Variants in ANKRD44 observed in about 807,000 individuals in gnomAD.
ANKRD44 encodes the protein serine/threonine-protein phosphatase 6 regulatory ankyrin repeat subunit B.
A neutral mutation model predicts 116.0 loss-of-function variants in ANKRD44; 35 were observed. The observed-to-expected ratio is 0.30, with a 90% confidence interval of 0.23 to 0.40. ANKRD44 has a LOEUF of 0.40. ANKRD44 is among the 10% of genes least tolerant of loss of function. ANKRD44 has a pLI of 1.00. For missense variants in ANKRD44, 1,014 were observed against 1,242.6 expected, an observed-to-expected ratio of 0.82 and a Z score of 2.77; for synonymous variants, 435 against 461.8, an observed-to-expected ratio of 0.94 and a Z score of 0.74.
At chr2:197,105,582 G>A (rs140924061) in intron 9 of ANKRD44, among the ~76,000 whole-genome samples, 20 of 152,234 alleles carry the variant, frequency 1.3e-4, no homozygotes, top group East Asian at 7.7e-4. Context: ...TGGAGATCAC[G>A]GAATCTCTTT....
intron 2 of ANKRD44, among the ~76,000 whole-genome samples, chr2:197,153,225 C>CAAAAAAAAAAAAAAAAA (rs75600123): frequency 8.7e-5 from 6 of 69,336 alleles, no homozygotes; most frequent in East Asian, 1.4e-3. Context: ...AAGACCCTGC[C>CAAAAAAAAAAAAAAAAA]AAAAAAAAAA....
intron 23 of ANKRD44, among the ~76,000 whole-genome samples, chr2:196,999,935 C>T (rs1054671046): frequency 1.3e-5 from 2 of 152,108 alleles, no homozygotes; most frequent in Non-Finnish European, 2.9e-5. Context: ...CACTTTGAAA[C>T]AGCAAAATAT....
chr2:197,014,779 G>A (rs1452678206), intron 17 of ANKRD44, among the ~76,000 whole-genome samples: 1 of 148,768 alleles, frequency 6.7e-6, no homozygotes, highest in African/African-American at 2.5e-5. Context: ...GCAAGACTCT[G>A]TCTCCAAAAA....
At position 197,013,623 on chromosome 2, in the gene ANKRD44, C is replaced by G. The variant is rs1352459930; in HGVS notation, c.1812G>C (p.Leu604=). Residue 604 remains leucine (L), a synonymous_variant, in exon 18 of 28, where the codon CTG becomes CTC. Coordinates refer to ENST00000282272, the MANE Select transcript of ANKRD44 (RefSeq NM_001195144.2). ...DIRDEKGRTA[L]DLAAFKGHTE... ...TGTGTCCTTTAAAGGCAGCCAGATCCAGAGCAGTGCGGCCTTTCTCATCCC... is the reference window on the plus strand; with the variant it reads ...TGTGTCCTTTAAAGGCAGCCAGATCGAGAGCAGTGCGGCCTTTCTCATCCC... 2.5e-6 allele frequency: 4 copies of G among 1,614,156 alleles called. No individual in the cohort carries two copies. The highest frequency in any genetic ancestry group is 3.4e-6 in the Non-Finnish European group (4 of 1,180,044).
intron 16 of ANKRD44, among the ~76,000 whole-genome samples, chr2:197,066,166 T>G (rs777877572): frequency 7.9e-5 from 12 of 152,138 alleles, no homozygotes; most frequent in Non-Finnish European, 1.8e-4. Flanking sequence ...ATCCAGCATA[T>G]AAACAGAACT....
chr2:197,165,916 A>C (rs2080091409), intron 2 of ANKRD44, among the ~76,000 whole-genome samples: 1 of 152,224 alleles, frequency 6.6e-6, no homozygotes, highest in African/African-American at 2.4e-5. Flanking sequence ...AATTTTTACA[A>C]TGAACATAGA....
intron 1 of ANKRD44, among the ~76,000 whole-genome samples, chr2:197,235,477 A>T (rs1432302628): frequency 6.6e-6 from 1 of 152,000 alleles, no homozygotes; most frequent in African/African-American, 2.4e-5. Context: ...TTAGTTGGGC[A>T]TGGTGGCGGG....
At chr2:196,983,852 TCC>T (rs1574216971), downstream of ANKRD44, among the ~76,000 whole-genome samples, 1 of 152,024 alleles carries the variant, frequency 6.6e-6, no homozygotes, top group East Asian at 1.9e-4. Flanking sequence ...GAGCAGGAGT[TCC>T]CCCCACTGGG....
At chr2:197,109,217 G>C (rs920668590) in intron 9 of ANKRD44, among the ~76,000 whole-genome samples, 40 of 152,166 alleles carry the variant, frequency 2.6e-4, no homozygotes, top group African/African-American at 7.5e-4. Flanking sequence ...CATTATTTCT[G>C]AAAAACAGTT....
chr2:197,215,421 C>T (rs2081422793), intron 1 of ANKRD44, among the ~76,000 whole-genome samples: 1 of 152,158 alleles, frequency 6.6e-6, no homozygotes, highest in Non-Finnish European at 1.5e-5. Context: ...GAGGTTCTCT[C>T]AGTGCAGGGG....
chr2:197,016,332 T>C (rs2076393105), intron 17 of ANKRD44, among the ~76,000 whole-genome samples: 1 of 152,232 alleles, frequency 6.6e-6, no homozygotes, highest in Non-Finnish European at 1.5e-5. Flanking sequence ...ACGTCAGGTA[T>C]ATTGTCTTGT....
rs908514972 is a variant in ANKRD44 at position 196,993,657 on chromosome 2, G to A, written c.2849C>T (p.Ala950Val). Residue 950 changes from alanine to valine, a missense_variant, in exon 27 of 28, where the codon GCG becomes GTG. Transcript: ENST00000282272. The stretch of plus-strand genomic sequence containing the variant: ...AACTACCACCTTTAAGCCATTGCGC[G>A]CAGCGACGTGGAGGGGTCTAAAAAA... ...NALQTPLHVA[A>V]RNGLKVVVEE... The A allele has an allele frequency of 1.7e-5, 26 of 1,550,778 alleles. No homozygotes were observed. The East Asian group carries it at 2.0e-4, about 12-fold the overall frequency.
chr2:197,214,107 T>A (rs1185268247), intron 1 of ANKRD44, among the ~76,000 whole-genome samples: 1 of 152,136 alleles, frequency 6.6e-6, no homozygotes, highest in Non-Finnish European at 1.5e-5. Context: ...TTTACCCCCA[T>A]AATTTTTGTG....
chr2:197,095,087 A>C (rs976565034), intron 10 of ANKRD44, among the ~76,000 whole-genome samples: 1 of 152,216 alleles, frequency 6.6e-6, no homozygotes, highest in Non-Finnish European at 1.5e-5. Context: ...TAATCAGTGC[A>C]TCTCCGAAGT....
At chr2:197,148,060 C>T (rs528554271) in intron 2 of ANKRD44, among the ~76,000 whole-genome samples, 38 of 152,124 alleles carry the variant, frequency 2.5e-4, no homozygotes, top group Non-Finnish European at 4.7e-4. Flanking sequence ...GGGAAAAAAG[C>T]GTTGCTTCCT....
intron 16 of ANKRD44, among the ~76,000 whole-genome samples, chr2:197,073,741 C>G (rs185999547): frequency 4.6e-5 from 7 of 152,156 alleles, no homozygotes; most frequent in Admixed American, 2.0e-4. Flanking sequence ...TCCAAAGAAG[C>G]CTTCTCTCTA....
intron 2 of ANKRD44, among the ~76,000 whole-genome samples, chr2:197,151,967 A>G (rs2079663968): frequency 6.6e-6 from 1 of 152,156 alleles, no homozygotes; most frequent in Non-Finnish European, 1.5e-5. Context: ...TCTCTTCTGA[A>G]TTGGGAATTA....
At chr2:197,205,436 GAAC>G (rs751303261) in intron 1 of ANKRD44, among the ~76,000 whole-genome samples, 2 of 152,252 alleles carry the variant, frequency 1.3e-5, no homozygotes, top group African/African-American at 2.4e-5. Context: ...GTATTTTTCA[GAAC>G]AACCTGGTGA....
At chr2:197,042,033 T>C (rs1051731250) in intron 16 of ANKRD44, among the ~76,000 whole-genome samples, 2 of 152,172 alleles carry the variant, frequency 1.3e-5, no homozygotes, top group African/African-American at 2.4e-5. Flanking sequence ...AAGAAAAATA[T>C]GTTTTAGATT....
Sources: allele counts gnomAD v4.1 joint callset (sites outside exome capture counted in the v4.1 genomes callset), GRCh38; gene constraint gnomAD v4.1.1; transcripts MANE v1.5; gene names NCBI Gene and HGNC (gene_info 2026-07-23, HGNC 2026-07-21).